The following MMUT variants were observed in gnomAD, a reference collection of about 807,000 sequenced individuals.
The protein encoded by MMUT is methylmalonyl-CoA mutase.
A neutral mutation model predicts 79.9 loss-of-function variants in MMUT; 79 were observed. That is an observed-to-expected ratio of 0.99 (90% confidence interval 0.82 to 1.19). MMUT has a LOEUF of 1.19. Among genes scored for constraint, MMUT ranks in the 50% most tolerant of loss-of-function variants. The pLI is 0.00. For missense variants in MMUT, 860 were observed against 917.2 expected, an observed-to-expected ratio of 0.94 and a Z score of 0.81; for synonymous variants, 273 against 295.7, an observed-to-expected ratio of 0.92 and a Z score of 0.79.
chr6:49,435,681 A>T, intron 11 of MMUT, 58 bp from the exon 12 acceptor site: 1 of 1,547,164 alleles, frequency 6.5e-7, no homozygotes, highest in Non-Finnish European at 8.8e-7. Flanking sequence ...TGACTATAAA[A>T]ACCCTGGAAG....
intron 5 of MMUT, among the ~76,000 whole-genome samples, chr6:49,453,083 C>T (rs1767596677): frequency 6.9e-6 from 1 of 145,624 alleles, no homozygotes; most frequent in African/African-American, 2.5e-5. Flanking sequence ...CTCTTGTTGC[C>T]CAGGCTGGAG....
intron 1 of MMUT, among the ~76,000 whole-genome samples, chr6:49,461,920 A>C (rs1581838352): frequency 6.6e-6 from 1 of 152,204 alleles, no homozygotes; most frequent in African/African-American, 2.4e-5. Flanking sequence ...AGCAACAACT[A>C]AACTGTTTCA....
intron 9 of MMUT, among the ~76,000 whole-genome samples, chr6:49,443,581 A>G (rs904397963): frequency 6.6e-6 from 1 of 152,118 alleles, no homozygotes; most frequent in Non-Finnish European, 1.5e-5. Context: ...AAGAAGGGTA[A>G]TATTTCAGAC....
intron 9 of MMUT, among the ~76,000 whole-genome samples, chr6:49,442,239 C>G (rs1687248505): frequency 6.6e-6 from 1 of 151,980 alleles, no homozygotes; most frequent in South Asian, 2.1e-4. Context: ...TATATATAGA[C>G]AAGTACCTGA....
At chr6:49,435,381 T>A in intron 12 of MMUT, 75 bp downstream of exon 12, 2 of 1,400,064 alleles carry the variant, frequency 1.4e-6, no homozygotes, top group Non-Finnish European at 2.0e-6. Context: ...TACAAGTTTA[T>A]CTTTAGAACC....
In MMUT at chr6:49,434,406, T is replaced by G. The variant is rs573941363; in HGVS notation, c.2124+1050A>C. The stretch of plus-strand genomic sequence containing the variant: ...ATTTTCTCCTTTCACAAGTAGTATA[T>G]GAATGTACTATTCTATATTCTGAGT... On this transcript the variant is annotated intron_variant, in intron 12 of 12. Transcript: ENST00000274813. Among the ~76,000 whole-genome samples the G allele has an allele frequency of 1.8e-4, 28 of 152,266 alleles. 1 individual carries two copies. In the South Asian group the frequency reaches 1.9e-3, roughly 10 times the overall value.
At chr6:49,456,305 T>A (rs1767689131) in intron 3 of MMUT, 68 bp from the exon 4 acceptor site, 5 of 1,076,384 alleles carry the variant, frequency 4.6e-6, no homozygotes, top group Non-Finnish European at 5.6e-6. Context: ...AAATCCACTT[T>A]CTAAGCATAA....
rs1184586094 is a variant in MMUT, at chr6:49,456,145, T to C, written c.846A>G (p.Ala282=). 1.2e-6 allele frequency: 2 copies of C among 1,612,888 alleles called. No homozygotes were observed. Among genetic ancestry groups the C allele is most frequent in the East Asian group, 4.5e-5 (2 of 44,840 alleles). Residue 282 remains alanine, a synonymous_variant, in exon 4 of 13, where the codon GCA becomes GCG. Coordinates refer to ENST00000274813, the MANE Select transcript of MMUT (RefSeq NM_000255.4). The stretch of plus-strand genomic sequence containing the variant: ...CAGTTCTAGAGTACTCCAATCCATC[T>C]GCTAAAGTATAGGCCAGCTCCAGAA... ...DAILELAYTL[A]DGLEYSRTGL...
rs527788310 is a variant in MMUT at position 49,439,251 on chromosome 6, T to C, written c.1956+955A>G. 5.9e-5 allele frequency among the ~76,000 whole-genome samples: 9 copies of C among 152,250 alleles called. No individual in the cohort carries two copies. The South Asian group carries it at 1.5e-3, about 25-fold the overall frequency. The stretch of plus-strand genomic sequence containing the variant: ...GGTCGCATGGTGACTTGATGACCCA[T>C]AGTCAAACATTCAGTTTCCACCAAA... On this transcript the variant is annotated intron_variant, in intron 11 of 12. Coordinates refer to ENST00000274813, the MANE Select transcript of MMUT (RefSeq NM_000255.4).
rs1767284723 is a variant in MMUT at position 49,441,867 on chromosome 6, C to G, written c.1781G>C (p.Ser594Thr). The G allele has an allele frequency of 6.2e-7, 1 of 1,611,800 alleles. No individual in the cohort carries two copies. Among genetic ancestry groups the G allele is most frequent in the African/African-American group, 1.3e-5 (1 of 74,804 alleles). Residue 594 changes from serine (S) to threonine (T), a missense_variant, in exon 10 of 13, where the codon AGT (serine) becomes ACT (threonine). Coordinates refer to ENST00000274813, the MANE Select transcript of MMUT (RefSeq NM_000255.4). Reference sequence around the variant, plus strand: ...CTTGATAGCAGATGTTATCTCTTTACTTTCTCCAAATTCCTGGCGATATGC... The same window carrying G: ...CTTGATAGCAGATGTTATCTCTTTAGTTTCTCCAAATTCCTGGCGATATGC... ...SGAYRQEFGE[S>T]KEITSAIKRV... is the part of the protein sequence containing the mutation.
At chr6:49,443,831 A>C (rs996461408) in intron 9 of MMUT, 5 of 431,026 alleles carry the variant, frequency 1.2e-5, no homozygotes, top group Non-Finnish European at 2.3e-5. Flanking sequence ...ATATAACATG[A>C]GATTAGATTC....
At chr6:49,462,469 GC>G (rs1767877758) in intron 1 of MMUT, among the ~76,000 whole-genome samples, 1 of 152,130 alleles carries the variant, frequency 6.6e-6, no homozygotes, top group Admixed American at 6.5e-5. Flanking sequence ...AATTATATTG[GC>G]AGAAAATCAT....
chr6:49,459,762 T>G (rs1204212886), intron 1 of MMUT, among the ~76,000 whole-genome samples: 1 of 152,206 alleles, frequency 6.6e-6, no homozygotes, highest in African/African-American at 2.4e-5. Flanking sequence ...TTCTACTCCA[T>G]TCTATACGAA....
At chr6:49,457,199 A>G (rs1020128895) in intron 3 of MMUT, among the ~76,000 whole-genome samples, 1 of 152,236 alleles carries the variant, frequency 6.6e-6, no homozygotes, top group Non-Finnish European at 1.5e-5. Context: ...AAAATGAAGG[A>G]GGAAAATGTG....
intron 6 of MMUT, among the ~76,000 whole-genome samples, chr6:49,450,273 A>G (rs1767518656): frequency 6.6e-6 from 1 of 151,722 alleles, no homozygotes; most frequent in Non-Finnish European, 1.5e-5. Flanking sequence ...ACATCAGGAT[A>G]TTATTTAAGG....
In MMUT at chr6:49,430,887, T is replaced by C. The variant is rs1241004988; in HGVS notation, c.*841A>G. The C allele has an allele frequency of 3.3e-5, 5 of 152,364 alleles. No homozygotes were observed. The highest frequency in any genetic ancestry group is 9.6e-5 in the African/African-American group (4 of 41,584). 9.4% of individuals were successfully genotyped at this position (152,364 alleles called of 1,614,324 possible). On this transcript the variant is annotated 3_prime_UTR_variant, in exon 13 of 13. Coordinates refer to ENST00000274813, the MANE Select transcript of MMUT (RefSeq NM_000255.4). ...GTACAGGTGTTCTCTGTGATATTTTTATTTTTGCAATTTATGTTTAAGGAG... is the reference window on the plus strand; with the variant it reads ...GTACAGGTGTTCTCTGTGATATTTTCATTTTTGCAATTTATGTTTAAGGAG...
chr6:49,435,656 T>C, intron 11 of MMUT, 33 bp from the exon 12 acceptor site: 1 of 1,598,180 alleles, frequency 6.3e-7, no homozygotes, highest in Non-Finnish European at 8.5e-7. Context: ...TAAATCATTG[T>C]TTATTACTAG....
At chr6:49,460,095 A>C (rs767111564) in intron 1 of MMUT, among the ~76,000 whole-genome samples, 1 of 152,150 alleles carries the variant, frequency 6.6e-6, no homozygotes, top group Non-Finnish European at 1.5e-5. Context: ...ACATATGTCA[A>C]AGTTTTCTGA....
intron 11 of MMUT, among the ~76,000 whole-genome samples, chr6:49,438,473 A>G (rs956416692): frequency 3.3e-5 from 5 of 152,204 alleles, no homozygotes; most frequent in African/African-American, 4.8e-5. Flanking sequence ...TCAAATCTCA[A>G]TAAAGAGTAC....
Sources: allele counts gnomAD v4.1 joint callset (sites outside exome capture counted in the v4.1 genomes callset), GRCh38; gene constraint gnomAD v4.1.1; transcripts MANE v1.5; gene names NCBI Gene and HGNC (gene_info 2026-07-23, HGNC 2026-07-21).